PCDHGA3: variants seen among roughly 807,000 people sequenced by gnomAD.
The protein encoded by PCDHGA3 is protocadherin gamma subfamily A, 3.
A neutral mutation model predicts 58.5 loss-of-function variants in PCDHGA3; 40 were observed. That is an observed-to-expected ratio of 0.68 (90% CI 0.53 to 0.89). The LOEUF is 0.89. Among genes scored for constraint, PCDHGA3 ranks in the 40% least tolerant of loss-of-function variants. PCDHGA3 has a pLI of 0.00. For missense variants in PCDHGA3, 1,223 were observed against 1,195.9 expected (o/e 1.02, Z -0.33); for synonymous variants, 530 against 525.7 (o/e 1.01, Z -0.11).
intron 1 of PCDHGA3, among the ~76,000 whole-genome samples, chr5:141,348,417 C>T (rs903044616): frequency 2.0e-5 from 3 of 151,750 alleles, no homozygotes; most frequent in Admixed American, 6.6e-5. Context: ...GAAAAAGGCA[C>T]GTAACTTTTA....
At chr5:141,422,374 G>A (rs1268014814) in intron 1 of PCDHGA3, 1 of 1,570,452 alleles carries the variant, frequency 6.4e-7, no homozygotes, top group Non-Finnish European at 8.6e-7. Flanking sequence ...AAATGGTCAA[G>A]TCTCCTGTTT....
rs113065470 is a variant in PCDHGA3 at position 141,401,000 on chromosome 5, C to A, written c.2424+54543C>A. 4.1e-3 allele frequency among the ~76,000 whole-genome samples: 629 copies of A among 152,216 alleles called. 6 individuals are homozygous for A. The highest frequency in any genetic ancestry group is 0.014 in the African/African-American group (590 of 41,530). On this transcript the variant is annotated intron_variant, in intron 1 of 3. Coordinates refer to ENST00000253812, the MANE Select transcript of PCDHGA3 (RefSeq NM_018916.4). ...TGTTCCTCATATATGCTTTCTTATT[C>A]CTACCTAATGGATTTATGATTTTTT...
At chr5:141,391,240 T>C (rs1388357484) in intron 1 of PCDHGA3, 1 of 152,150 alleles carries the variant, frequency 6.6e-6, no homozygotes, top group Non-Finnish European at 1.5e-5. Flanking sequence ...GCTAGGTATA[T>C]CTAAGCAACT....
intron 1 of PCDHGA3, chr5:141,405,044 G>A (rs769617162): frequency 6.2e-7 from 1 of 1,613,938 alleles, no homozygotes; most frequent in Admixed American, 1.7e-5. Context: ...TGTGGCTGTG[G>A]CAGTCGTCTC....
chr5:141,368,284 GA>G lies in PCDHGA3; in HGVS notation c.2424+21828del, dbSNP rs536595269. ...CACATTAAAGAACCTAAGACCACTT[GA>G]TTTTTATTTTTTAAACACTGTTAAA... On this transcript the variant is annotated intron_variant, in intron 1 of 3. Transcript: ENST00000253812. Among the ~76,000 whole-genome samples the G allele has an allele frequency of 3.5e-4, 53 of 152,086 alleles. No homozygotes were observed. The East Asian group carries it at 0.01, about 29-fold the overall frequency.
intron 1 of PCDHGA3, chr5:141,393,946 A>G (rs1417125080): frequency 4.3e-6 from 7 of 1,613,892 alleles, no homozygotes; most frequent in Non-Finnish European, 4.2e-6. Context: ...GACTCTGGAA[A>G]GAATGGTCAA....
In PCDHGA3 at chr5:141,344,324, T is replaced by G; in HGVS notation, c.291T>G (p.Ala97=). 1 of 1,614,030 alleles carries G rather than the reference T, an allele frequency of 6.2e-7. No individual in the cohort carries two copies. Among genetic ancestry groups the G allele is most frequent in the Non-Finnish European group, 8.5e-7 (1 of 1,179,906 alleles). The change falls in exon 1 of 4, where the codon GCT becomes GCG. Residue 97 remains alanine (A), a synonymous_variant. Transcript: ENST00000253812. ...GGATAGACCGGGAGGAGCTCTGCGC[T>G]CAGATCCCGCTGTGTCTGGTAAAAA... ...AERIDREELC[A]QIPLCLVKIN...
chr5:141,491,327 T>C lies in PCDHGA3; in HGVS notation c.2425-3480T>C, dbSNP rs1422115943. ...TCAGACCTTACCCTTTACCTCATTG[T>C]GGCTCTAGCGACCGTCAGTCTCTTA... is the stretch of plus-strand genomic sequence containing the variant. On this transcript the variant is annotated intron_variant, in intron 1 of 3. Coordinates refer to ENST00000253812, the MANE Select transcript of PCDHGA3 (RefSeq NM_018916.4). This position sits in a 1 kb window ranked among gnomAD's most constrained non-coding sequence, Gnocchi z 6.9. 5.6e-6 allele frequency: 9 copies of C among 1,614,098 alleles called. No homozygotes were observed. Among genetic ancestry groups the C allele is most frequent in the Admixed American group, 3.3e-5 (2 of 60,006 alleles).
chr5:141,403,038 G>A, intron 1 of PCDHGA3: 1 of 1,614,088 alleles, frequency 6.2e-7, no homozygotes, highest in Non-Finnish European at 8.5e-7. Context: ...GCCAGGGCCA[G>A]TCAGATTCGC....
chr5:141,426,643 T>C (rs1280631056), intron 1 of PCDHGA3: 1 of 411,758 alleles, frequency 2.4e-6, no homozygotes, highest in Non-Finnish European at 5.0e-6. Flanking sequence ...CACATAAATG[T>C]GATGATAGAA....
chr5:141,482,601 A>T (rs1158399317), intron 1 of PCDHGA3, among the ~76,000 whole-genome samples: 1 of 152,002 alleles, frequency 6.6e-6, no homozygotes, highest in Non-Finnish European at 1.5e-5. Flanking sequence ...ACGGGAAAAA[A>T]CACCTAAATG....
Position 141,491,402 on chromosome 5 carries a change from C to T in PCDHGA3, c.2425-3405C>T. 1 of 1,614,156 alleles carries T rather than the reference C, an allele frequency of 6.2e-7. No individual in the cohort carries two copies. Among genetic ancestry groups the T allele is most frequent in the Non-Finnish European group, 8.5e-7 (1 of 1,180,022 alleles). ...TCAGCGAAGTGCCTTCAGGGAAACG[C>T]AGACGGGGACGGGGGTGGAGGGCAG... On this transcript the variant is annotated intron_variant, in intron 1 of 3. Transcript: ENST00000253812. The surrounding 1 kb of genome is among the most constrained non-coding windows in gnomAD (Gnocchi z 6.9).
At chr5:141,380,525 A>T (rs904711647) in intron 1 of PCDHGA3, among the ~76,000 whole-genome samples, 3 of 152,206 alleles carry the variant, frequency 2.0e-5, no homozygotes, top group Non-Finnish European at 1.5e-5. Context: ...CTATGAAATG[A>T]TTTCAATTTG....
chr5:141,361,286 G>A (rs1761959082), intron 1 of PCDHGA3: 2 of 1,613,878 alleles, frequency 1.2e-6, no homozygotes, highest in South Asian at 2.2e-5. Context: ...GAAGTTTACT[G>A]CCAAGTGTTG....
At chr5:141,504,980 G>A (rs113323355) in intron 2 of PCDHGA3, among the ~76,000 whole-genome samples, 174 of 152,196 alleles carry the variant, frequency 1.1e-3, no homozygotes, top group African/African-American at 3.9e-3. Context: ...TGGCCAACAT[G>A]GTGAAACCCC....
In PCDHGA3 at chr5:141,345,707, C is replaced by T. The variant is rs200612120; in HGVS notation, c.1674C>T (p.Asn558=). Reference sequence around the variant, plus strand: ...TGTTCGTGCTGGACCAGAACGACAACGCGCCCGAGATCCTGTACCCCGCCC... The same window carrying T: ...TGTTCGTGCTGGACCAGAACGACAATGCGCCCGAGATCCTGTACCCCGCCC... The part of the protein sequence containing the change: ...LNLFVLDQND[N]APEILYPALP... The change falls in exon 1 of 4, where the codon AAC becomes AAT. Residue 558 remains asparagine (N), a synonymous_variant. Coordinates refer to ENST00000253812, the MANE Select transcript of PCDHGA3 (RefSeq NM_018916.4). The T allele has an allele frequency of 2.2e-4, 356 of 1,614,116 alleles. No homozygotes were observed. The highest frequency in any genetic ancestry group is 2.9e-4 in the Non-Finnish European group (346 of 1,180,052).
intron 3 of PCDHGA3, among the ~76,000 whole-genome samples, chr5:141,507,893 G>C (rs750472786): frequency 2.2e-4 from 33 of 152,356 alleles, no homozygotes; most frequent in Non-Finnish European, 4.1e-4. Context: ...AGAGGTTCCT[G>C]AAGTCCAGCC....
At position 141,389,178 on chromosome 5, in the gene PCDHGA3, T is replaced by G. The variant is rs1280956707; in HGVS notation, c.2424+42721T>G. 2 of 1,613,974 alleles carry G rather than the reference T, an allele frequency of 1.2e-6. No individual in the cohort carries two copies. The highest frequency in any genetic ancestry group is 1.7e-6 in the Non-Finnish European group (2 of 1,179,890). ...AGATCGGGGCAAGCCTCCCCTCTCC[T>G]CCAGTTCCAGCATCACCCTGCACAT... On this transcript the variant is annotated intron_variant, in intron 1 of 3. Coordinates refer to ENST00000253812, the MANE Select transcript of PCDHGA3 (RefSeq NM_018916.4).
intron 1 of PCDHGA3, chr5:141,409,921 G>T (rs767370997): frequency 6.2e-7 from 1 of 1,613,404 alleles, no homozygotes; most frequent in Admixed American, 1.7e-5. Context: ...ACGGCTCCGC[G>T]TTCTTCGATA....
Sources: gnomAD v4.1 joint callset for allele counts (sites outside exome capture counted in the v4.1 genomes callset) on GRCh38, gnomAD v4.1.1 for gene constraint, Gnocchi (gnomAD v3.1) non-coding constraint, MANE v1.5 for transcripts, NCBI Gene and HGNC (gene_info 2026-07-23, HGNC 2026-07-21) for gene names.